The following CCNE1 variants were observed in gnomAD, a reference collection of about 807,000 sequenced individuals.
The protein encoded by CCNE1 is G1/S-specific cyclin-E1.
A neutral mutation model predicts 54.1 loss-of-function variants in CCNE1; 8 were observed. The observed-to-expected ratio is 0.15, with a 90% CI of 0.09 to 0.27. The LOEUF (loss-of-function observed/expected upper bound fraction) is 0.27. Ranked by LOEUF, CCNE1 falls within the 10% of genes least tolerant of loss-of-function variation. CCNE1 has a pLI of 1.00. For synonymous variants in CCNE1, 179 were observed against 185.2 expected (o/e 0.97, Z 0.27); for missense variants, 430 against 514.9 (o/e 0.84, Z 1.60).
At chr19:29,812,832 G>C (rs901989487) in intron 3 of CCNE1, 56 bp downstream of exon 3, 1 of 1,587,816 alleles carries the variant, frequency 6.3e-7, no homozygotes, top group East Asian at 2.3e-5. Context: ...CTGGGTACCC[G>C]ACTTGGCTCT....
intron 6 of CCNE1, among the ~76,000 whole-genome samples, chr19:29,820,280 G>A (rs1386700068): frequency 1.3e-5 from 2 of 152,252 alleles, no homozygotes; most frequent in African/African-American, 2.4e-5. Context: ...GCTGGGCACA[G>A]TGGCTCATCC....
intron 4 of CCNE1, 101 bp from the exon 5 acceptor site, chr19:29,817,036 C>T: frequency 8.3e-7 from 1 of 1,204,444 alleles, no homozygotes; most frequent in Non-Finnish European, 1.2e-6. Flanking sequence ...GAAGTCATGC[C>T]TAGTATCTTA....
intron 11 of CCNE1, 111 bp from the exon 12 acceptor site, chr19:29,823,544 A>G (rs1398168357): frequency 1.1e-6 from 1 of 903,700 alleles, no homozygotes; most frequent in Non-Finnish European, 1.6e-6. Context: ...GCAAGTCTCC[A>G]TCTTGAGAAA....
intron 6 of CCNE1, among the ~76,000 whole-genome samples, chr19:29,819,942 G>C (rs1459260985): frequency 6.6e-6 from 1 of 152,240 alleles, no homozygotes; most frequent in Non-Finnish European, 1.5e-5. Flanking sequence ...ATAGTACTGA[G>C]CTCTAGATAT....
At chr19:29,816,100 G>C (rs1301887947) in intron 4 of CCNE1, among the ~76,000 whole-genome samples, 1 of 148,892 alleles carries the variant, frequency 6.7e-6, no homozygotes, top group Admixed American at 6.8e-5. Flanking sequence ...AGGTTGTAGT[G>C]AGCTGAGATT....
At chr19:29,813,914 C>T (rs1212510243) in intron 4 of CCNE1, among the ~76,000 whole-genome samples, 1 of 152,134 alleles carries the variant, frequency 6.6e-6, no homozygotes, top group East Asian at 1.9e-4. Context: ...TGAACAGAAA[C>T]AGTGTTCGAC....
Position 29,822,124 on chromosome 19 carries a change from T to TGCAGA in CCNE1, c.836_840dup (p.Leu281GlnfsTer34). The TGCAGA allele has an allele frequency of 6.2e-7, 1 of 1,613,476 alleles. No individual in the cohort carries two copies. Among genetic ancestry groups the TGCAGA allele is most frequent in the Non-Finnish European group, 8.5e-7 (1 of 1,179,760 alleles). On this transcript the variant is annotated frameshift_variant, in exon 9 of 12. Coordinates refer to ENST00000262643, the MANE Select transcript of CCNE1 (RefSeq NM_001238.4). LOFTEE classifies it high-confidence loss of function. ...ATCCCCAGCAAATCTTTATACAGAT[T>TGCAGA]GCAGAGGTAAGTGGCTCCATCACGT...
In CCNE1 at chr19:29,812,926, T is replaced by G. The variant is rs1001132129; in HGVS notation, c.112-43T>G. The G allele has an allele frequency of 1.9e-6, 3 of 1,610,492 alleles. No homozygotes were observed. In the African/African-American group the frequency reaches 4.0e-5, roughly 22 times the overall value. On this transcript the variant is annotated intron_variant, in intron 3 of 11. Coordinates refer to ENST00000262643, the MANE Select transcript of CCNE1 (RefSeq NM_001238.4). ...TCTTCTTCTCTCTGTTTTTGTCTTGTTTGGTGTGTTTCCTTGGGGTCATGG... is the reference window on the plus strand; with the variant it reads ...TCTTCTTCTCTCTGTTTTTGTCTTGGTTGGTGTGTTTCCTTGGGGTCATGG...
chr19:29,820,963 T>G (rs1974133355), intron 7 of CCNE1, 115 bp downstream of exon 7: 1 of 773,682 alleles, frequency 1.3e-6, no homozygotes. Context: ...TTTTCTGATT[T>G]GCTACCCTGT....
In CCNE1 at chr19:29,812,036, G is replaced by C. The variant is rs1326967663; in HGVS notation, c.-141G>C. 1 of 147,474 alleles carries C rather than the reference G, an allele frequency of 6.8e-6. No individual in the cohort carries two copies. The highest frequency in any genetic ancestry group is 1.5e-5 in the Non-Finnish European group (1 of 66,130). 9.1% of individuals were successfully genotyped at this position (147,474 alleles called of 1,614,324 possible). On this transcript the variant is annotated 5_prime_UTR_variant, in exon 1 of 12. Transcript: ENST00000262643. ...CCAGCGCGGTGTAGGGGGCAGGCGC[G>C]GATCCCGCCACCGCCGCGCGCTCGG...
intron 4 of CCNE1, chr19:29,813,419 A>G (rs932174630): frequency 1.1e-4 from 21 of 193,644 alleles, no homozygotes; most frequent in African/African-American, 4.7e-4. Flanking sequence ...CCTTGTCTGT[A>G]AAAGCTGGTG....
intron 4 of CCNE1, chr19:29,813,456 A>ATTGG: frequency 1.2e-5 from 2 of 170,224 alleles, no homozygotes; most frequent in Non-Finnish European, 2.5e-5. Context: ...CTGGGTGTTT[A>ATTGG]TAAGCAACAA....
At chr19:29,819,582 C>T (rs1202337682) in intron 6 of CCNE1, among the ~76,000 whole-genome samples, 1 of 152,138 alleles carries the variant, frequency 6.6e-6, no homozygotes, top group Non-Finnish European at 1.5e-5. Flanking sequence ...GCACCCAACT[C>T]AAATCTTTTC....
chr19:29,817,211 G>T lies in CCNE1; in HGVS notation c.255G>T (p.Arg85=). The T allele has an allele frequency of 3.1e-6, 5 of 1,614,130 alleles. No homozygotes were observed. The highest frequency in any genetic ancestry group is 4.2e-6 in the Non-Finnish European group (5 of 1,180,026). ...CACCTGACAAAGAAGATGATGACCG[G>T]GTTTACCCAAACTCAACGTGCAAGC... ...IPTPDKEDDD[R]VYPNSTCKPR... is the part of the protein sequence containing the mutation. The change falls in exon 5 of 12, where the codon CGG becomes CGT. Residue 85 remains arginine, a synonymous_variant. Coordinates refer to ENST00000262643, the MANE Select transcript of CCNE1 (RefSeq NM_001238.4).
intron 6 of CCNE1, among the ~76,000 whole-genome samples, chr19:29,818,580 A>G (rs535691806): frequency 6.6e-6 from 1 of 152,264 alleles, no homozygotes; most frequent in East Asian, 1.9e-4. Flanking sequence ...CTCCTTTTTA[A>G]CTTCTTGGAA....
At chr19:29,812,602 G>A (rs1490215226) in intron 2 of CCNE1, 24 bp downstream of exon 2, 6 of 1,517,302 alleles carry the variant, frequency 4.0e-6, no homozygotes, top group Non-Finnish European at 4.4e-6. Flanking sequence ...CCGCGGGGCC[G>A]GACGGGACGG....
chr19:29,813,299 C>T (rs1973938518), intron 4 of CCNE1: 3 of 516,258 alleles, frequency 5.8e-6, no homozygotes, highest in Admixed American at 3.3e-5. Context: ...CCAGAATGGA[C>T]ATCACAGTAT....
At chr19:29,812,455 G>A (rs935012102) in intron 1 of CCNE1, 77 bp from the exon 2 acceptor site, 109 of 1,041,684 alleles carry the variant, frequency 1.0e-4, no homozygotes, top group Admixed American at 5.6e-4. Context: ...TCGCCCGGCC[G>A]CCCGCGCGCA....
chr19:29,820,473 C>T (rs764787313), intron 6 of CCNE1, among the ~76,000 whole-genome samples: 4 of 151,902 alleles, frequency 2.6e-5, no homozygotes, highest in Non-Finnish European at 5.9e-5. Flanking sequence ...ATCGCTTGAG[C>T]CTGGAAGTTG....
Sources: gnomAD v4.1 joint callset for allele counts (sites outside exome capture counted in the v4.1 genomes callset) on GRCh38, gnomAD v4.1.1 for gene constraint, MANE v1.5 for transcripts, NCBI Gene and HGNC (gene_info 2026-07-23, HGNC 2026-07-21) for gene names.